Variants in UBR4 observed in about 807,000 individuals in gnomAD.
UBR4 encodes E3 ubiquitin-protein ligase UBR4.
A neutral mutation model predicts 575.6 loss-of-function variants in UBR4; 124 were observed. That is an observed-to-expected ratio of 0.22 (90% CI 0.19 to 0.25). The LOEUF (loss-of-function observed/expected upper bound fraction) is 0.25, where lower values mean the gene tolerates loss of function less well. Among genes scored for constraint, UBR4 ranks in the 10% least tolerant of loss-of-function variants. The probability of loss-of-function intolerance (pLI) is 1.00; values close to 1 mark genes in which losing one functional copy is unlikely to be tolerated. For synonymous variants in UBR4, 2,455 were observed against 2,473.7 expected (o/e 0.99, Z 0.22); for missense variants, 4,818 against 6,478.8 (o/e 0.74, Z 8.80).
At chr1:19,123,173 C>A (rs572082883) in intron 65 of UBR4, 113 bp from the exon 66 acceptor site, 2 of 1,168,282 alleles carry the variant, frequency 1.7e-6, no homozygotes, top group East Asian at 2.6e-5. Context: ...GGGGACAGGC[C>A]GGGCACGGTG....
At chr1:19,120,370 A>G in intron 68 of UBR4, 22 bp from the exon 69 acceptor site, 1 of 1,608,976 alleles carries the variant, frequency 6.2e-7, no homozygotes, top group African/African-American at 1.3e-5. Flanking sequence ...GGACAGGACT[A>G]AGGGCTGAAG....
At chr1:19,166,927 T>A in intron 29 of UBR4, 95 bp downstream of exon 29, 1 of 1,337,764 alleles carries the variant, frequency 7.5e-7, no homozygotes, top group Non-Finnish European at 1.1e-6. Flanking sequence ...ACAAAAACAA[T>A]AAGCTATTAA....
At chr1:19,116,949 A>G (rs1270291548) in intron 73 of UBR4, among the ~76,000 whole-genome samples, 1 of 152,026 alleles carries the variant, frequency 6.6e-6, no homozygotes, top group Non-Finnish European at 1.5e-5. Context: ...AGAAGCCTGG[A>G]GGTCCCCTCA....
chr1:19,193,295 C>G, intron 9 of UBR4, 138 bp downstream of exon 9: 1 of 1,223,248 alleles, frequency 8.2e-7, no homozygotes, highest in Non-Finnish European at 1.1e-6. Context: ...ATGCCTACCT[C>G]TTAGACCTAC....
intron 77 of UBR4, 52 bp from the exon 78 acceptor site, chr1:19,112,919 G>A (rs868657598): frequency 3.4e-6 from 5 of 1,491,866 alleles, no homozygotes; most frequent in South Asian, 2.8e-5. Context: ...AATAAGAAGA[G>A]GATGTTAATT....
intron 34 of UBR4, 35 bp from the exon 35 acceptor site, chr1:19,162,646 C>A (rs753887365): frequency 6.3e-7 from 1 of 1,577,094 alleles, no homozygotes; most frequent in Non-Finnish European, 8.6e-7. Flanking sequence ...TTCAGATTCT[C>A]CATGTTTCAT....
In UBR4 at chr1:19,110,274, G is replaced by T. The variant is rs934590410; in HGVS notation, c.11978-51C>A. 9.3e-6 allele frequency: 15 copies of T among 1,613,712 alleles called. No individual in the cohort carries two copies. The highest frequency in any genetic ancestry group is 1.3e-5 in the Non-Finnish European group (15 of 1,179,652). ...TCACAATCAGGAACACTACACATCT[G>T]CTCTGCAGAGGCCGCCCAAGCATCA... is the stretch of plus-strand genomic sequence containing the variant. On this transcript the variant is annotated intron_variant, in intron 80 of 105. Transcript: ENST00000375254. This position sits in a 1 kb window ranked among gnomAD's most constrained non-coding sequence, Gnocchi z 4.5.
intron 52 of UBR4, 126 bp from the exon 53 acceptor site, chr1:19,146,059 T>A: frequency 1.3e-6 from 2 of 1,573,246 alleles, no homozygotes; most frequent in Non-Finnish European, 1.7e-6. Context: ...CCAATCAATA[T>A]GCCAACTATC....
Position 19,121,974 on chromosome 1 carries a change from C to A in UBR4, c.9855G>T (p.Gln3285His). The stretch of plus-strand genomic sequence containing the variant: ...AGAATTTCTGCCAGTTGATGGTTCG[C>A]TGGGCGGCAATCTCTGCACAGGCTT... ...HLKACAEIAA[Q>H]RTINWQKFCI... is the part of the protein sequence containing the mutation. The change falls in exon 67 of 106, where the codon CAG (glutamine) becomes CAT (histidine). Residue 3285 changes from glutamine (Q) to histidine (H), a missense_variant. This residue lies in a region of UBR4 where 550 missense variants were observed against 791.5 expected (regional missense o/e 0.69). Coordinates refer to ENST00000375254, the MANE Select transcript of UBR4 (RefSeq NM_020765.3). 1 of 1,614,192 alleles carries A rather than the reference C, an allele frequency of 6.2e-7. No homozygotes were observed. Among genetic ancestry groups the A allele is most frequent in the Non-Finnish European group, 8.5e-7 (1 of 1,180,014 alleles).
intron 73 of UBR4, among the ~76,000 whole-genome samples, chr1:19,116,625 A>G (rs1465179838): frequency 6.6e-6 from 1 of 152,206 alleles, no homozygotes. Flanking sequence ...CTGAGAGTTC[A>G]AAAAAAGGCG....
chr1:19,110,006 G>T lies in UBR4; in HGVS notation c.12105+90C>A, dbSNP rs548460890. ...AGGGGAGGTGGGCTCAAGGCAAAGC[G>T]GAGACCATGAGGAGGCAGGGCACAC... On this transcript the variant is annotated intron_variant, in intron 81 of 105. Coordinates refer to ENST00000375254, the MANE Select transcript of UBR4 (RefSeq NM_020765.3). This position sits in a 1 kb window ranked among gnomAD's most constrained non-coding sequence, Gnocchi z 4.5. 152 of 1,581,906 alleles carry T rather than the reference G, an allele frequency of 9.6e-5. No individual in the cohort carries two copies. In the African/African-American group the frequency reaches 1.7e-3, roughly 18 times the overall value.
chr1:19,097,050 T>C, intron 91 of UBR4, 143 bp downstream of exon 91: 1 of 611,286 alleles, frequency 1.6e-6, no homozygotes, highest in African/African-American at 1.9e-5. Context: ...CACCTCTTTT[T>C]TTCCTCAATT....
intron 90 of UBR4, among the ~76,000 whole-genome samples, chr1:19,099,114 T>C (rs1264220427): frequency 6.6e-6 from 1 of 152,122 alleles, no homozygotes; most frequent in African/African-American, 2.4e-5. Context: ...CCTTTTCCCC[T>C]CCTCAAGAAT....
At chr1:19,168,654 T>G (rs1045805100) in intron 27 of UBR4, among the ~76,000 whole-genome samples, 1 of 152,108 alleles carries the variant, frequency 6.6e-6, no homozygotes, top group Admixed American at 6.5e-5. Context: ...GAGCAGAGGA[T>G]ATACAAAGAG....
At chr1:19,111,943 A>G (rs1557628652) in intron 78 of UBR4, 1 of 151,972 alleles carries the variant, frequency 6.6e-6, no homozygotes, top group Non-Finnish European at 1.5e-5. Flanking sequence ...TTTAATGGAG[A>G]CGAGGTTTTA....
chr1:19,112,547 G>A lies in UBR4; in HGVS notation c.11778C>T (p.Arg3926=). The part of the protein sequence containing the change: ...RGAAAMREEV[R]QLMCLLTRDN... ...ACCGAGTTAGGAGGCACATGAGCTG[G>A]CGGACCTCCTCCCGCATGGCCGCAG... The change falls in exon 78 of 106, where the codon CGC becomes CGT. Residue 3926 remains arginine, a synonymous_variant. Coordinates refer to ENST00000375254, the MANE Select transcript of UBR4 (RefSeq NM_020765.3). 1 of 1,612,848 alleles carries A rather than the reference G, an allele frequency of 6.2e-7. No individual in the cohort carries two copies. Among genetic ancestry groups the A allele is most frequent in the Admixed American group, 1.7e-5 (1 of 59,966 alleles).
At chr1:19,132,198 T>C (rs1383935938) in intron 60 of UBR4, among the ~76,000 whole-genome samples, 1 of 152,150 alleles carries the variant, frequency 6.6e-6, no homozygotes, top group Non-Finnish European at 1.5e-5. Context: ...GTTTGTTTTT[T>C]TGAGACAGAG....
In UBR4 at chr1:19,138,245, C is replaced by G. The variant is rs2083416193; in HGVS notation, c.8732-64G>C. 4 of 1,408,790 alleles carry G rather than the reference C, an allele frequency of 2.8e-6. No homozygotes were observed. In the South Asian group the frequency reaches 7.1e-5, roughly 25 times the overall value. The allele number at this position is 1,408,790 out of a possible 1,614,324, so 87.3% of individuals were successfully genotyped here. On this transcript the variant is annotated intron_variant, in intron 59 of 105. Transcript: ENST00000375254. ...AAAGCATGAAGGAACCCAGTGCATTCTAAAGCAGCAGCAATAGTTAAGACA... is the reference window on the plus strand; with the variant it reads ...AAAGCATGAAGGAACCCAGTGCATTGTAAAGCAGCAGCAATAGTTAAGACA...
At chr1:19,169,635 G>A (rs1368523081) in intron 26 of UBR4, 103 bp from the exon 27 acceptor site, 4 of 855,528 alleles carry the variant, frequency 4.7e-6, no homozygotes, top group South Asian at 1.9e-5. Flanking sequence ...GTACAGCCCA[G>A]GCTGTCAAAA....
Sources: allele counts gnomAD v4.1 joint callset (sites outside exome capture counted in the v4.1 genomes callset), GRCh38; gene constraint gnomAD v4.1.1; regional missense constraint gnomAD v4.1.1; non-coding constraint Gnocchi (gnomAD v3.1); transcripts MANE v1.5; gene names NCBI Gene and HGNC (gene_info 2026-07-23, HGNC 2026-07-21).